Variants in NDUFAF6 observed in about 807,000 individuals in gnomAD.
NDUFAF6 encodes NADH:ubiquinone oxidoreductase complex assembly factor 6.
A neutral mutation model predicts 40.8 loss-of-function variants in NDUFAF6; 45 were observed. The observed-to-expected ratio is 1.10, with a 90% CI of 0.87 to 1.42. The LOEUF (loss-of-function observed/expected upper bound fraction) is 1.42. Ranked by LOEUF, NDUFAF6 falls within the 40% of genes most tolerant of loss-of-function variation. The pLI, the probability that NDUFAF6 is intolerant of heterozygous loss-of-function variation, is 0.00. For missense variants in NDUFAF6, 435 were observed against 418.5 expected, an observed-to-expected ratio of 1.04 and a Z score of -0.34; for synonymous variants, 185 against 155.9, an observed-to-expected ratio of 1.19 and a Z score of -1.39.
At chr8:94,926,397 G>C (rs1260620173) in intron 1 of NDUFAF6, 1 of 128,944 alleles carries the variant, frequency 7.8e-6, no homozygotes, top group South Asian at 2.6e-4. Context: ...AATTTTACTT[G>C]AGAAAAAAAA....
intron 2 of NDUFAF6, among the ~76,000 whole-genome samples, chr8:94,992,039 T>C (rs111351756): frequency 4.3e-4 from 65 of 152,352 alleles, no homozygotes; most frequent in African/African-American, 1.4e-3. Context: ...TTATTACAGT[T>C]GTAATTTGAT....
At position 94,973,786 on chromosome 8, in the gene NDUFAF6, G is replaced by A. The variant is rs116772248; in HGVS notation, c.-198-7073G>A. Among the ~76,000 whole-genome samples the A allele has an allele frequency of 7.9e-3, 1,197 of 150,620 alleles. 12 individuals are homozygous for A. Among genetic ancestry groups the A allele is most frequent in the African/African-American group, 0.028 (1,139 of 40,916 alleles). ...TGCAAACCCAGTGCTTTGGGAGGCC[G>A]AGGTGGAAGGATTACTTGAGGCCCA... On this transcript the variant is annotated intron_variant, in intron 1 of 9. Coordinates refer to the NDUFAF6 transcript ENST00000396111.
At chr8:95,005,915 C>T (rs1021016038) in intron 2 of NDUFAF6, among the ~76,000 whole-genome samples, 9 of 152,002 alleles carry the variant, frequency 5.9e-5, no homozygotes, top group Admixed American at 5.2e-4. Context: ...TTCCAGAAAC[C>T]GGGCAGACGA....
chr8:95,041,534 A>G (rs1235851381), intron 3 of NDUFAF6, 36 bp from the exon 4 acceptor site: 2 of 1,425,072 alleles, frequency 1.4e-6, no homozygotes, highest in African/African-American at 1.5e-5. Flanking sequence ...CATTTCTAGT[A>G]CTTTCTAAAA....
At chr8:94,993,174 G>A (rs981028314) in intron 2 of NDUFAF6, among the ~76,000 whole-genome samples, 4 of 152,098 alleles carry the variant, frequency 2.6e-5, no homozygotes, top group South Asian at 2.1e-4. Flanking sequence ...TACCTGTCAG[G>A]AACCTTATCT....
chr8:95,091,041 T>TCC (rs1809231949), intron 2 of NDUFAF6, among the ~76,000 whole-genome samples: 1 of 13,458 alleles, frequency 7.4e-5, no homozygotes, highest in Non-Finnish European at 1.1e-4. Context: ...CATATATATA[T>TCC]TAATAAACTC....
At chr8:94,903,429 C>A (rs183682938) in intron 1 of NDUFAF6, among the ~76,000 whole-genome samples, 1 of 152,016 alleles carries the variant, frequency 6.6e-6, no homozygotes, top group Non-Finnish European at 1.5e-5. Context: ...GTGTATCAAC[C>A]GGGATAAATC....
chr8:95,036,323 T>G, intron 3 of NDUFAF6: 2 of 1,287,166 alleles, frequency 1.6e-6, no homozygotes, highest in Non-Finnish European at 2.0e-6. Flanking sequence ...AGAGGGTTTC[T>G]GTAACAGGAG....
intron 4 of NDUFAF6, among the ~76,000 whole-genome samples, chr8:95,110,220 A>G (rs894773117): frequency 1.3e-5 from 2 of 152,240 alleles, no homozygotes; most frequent in African/African-American, 4.8e-5. Context: ...TTAATTCTAC[A>G]GCTGTGATCT....
At chr8:94,973,612 GCAGGAGA>G (rs1244412093) in intron 1 of NDUFAF6, among the ~76,000 whole-genome samples, 1 of 151,900 alleles carries the variant, frequency 6.6e-6, no homozygotes, top group Non-Finnish European at 1.5e-5. Context: ...GGAGGCTGAG[GCAGGAGA>G]ATTGCTTGAA....
chr8:94,988,554 A>G (rs1826048475), intron 2 of NDUFAF6: 1 of 152,178 alleles, frequency 6.6e-6, no homozygotes, highest in African/African-American at 2.4e-5. Context: ...TCAAATAACA[A>G]CAGCAAACCA....
intron 2 of NDUFAF6, among the ~76,000 whole-genome samples, chr8:95,081,952 G>A (rs1016247171): frequency 1.3e-5 from 2 of 152,302 alleles, no homozygotes; most frequent in East Asian, 3.9e-4. Context: ...TGTAATCCCA[G>A]CTATGGGAGG....
chr8:94,923,289 A>G (rs1015732828), intron 1 of NDUFAF6, among the ~76,000 whole-genome samples: 1 of 152,236 alleles, frequency 6.6e-6, no homozygotes, highest in Non-Finnish European at 1.5e-5. Context: ...GGTCCAGAGA[A>G]AACTGTCCAA....
chr8:95,099,737 T>G (rs776893604), upstream of NDUFAF6, among the ~76,000 whole-genome samples: 2 of 152,236 alleles, frequency 1.3e-5, no homozygotes, highest in Non-Finnish European at 2.9e-5. Flanking sequence ...CTCCCAGTTA[T>G]GGAGCTTCAG....
chr8:95,058,081 T>C lies in NDUFAF6; in HGVS notation c.*144T>C, dbSNP rs150480416. The C allele has an allele frequency of 2.0e-6, 3 of 1,465,348 alleles. No individual in the cohort carries two copies. The highest frequency in any genetic ancestry group is 1.8e-6 in the Non-Finnish European group (2 of 1,118,454). The allele number at this position is 1,465,348 out of a possible 1,614,324, so 90.8% of individuals were successfully genotyped here. A position where few individuals can be genotyped will look rare whatever the true frequency, so the allele number is the denominator to read the frequency against. ...TCAAGTAGCTCACAAAATTGAGAAG[T>C]TGCCGTGGGACTAGGGTGCCAAGAC... is the stretch of plus-strand genomic sequence containing the variant. On this transcript the variant is annotated 3_prime_UTR_variant, in exon 9 of 9. Transcript: ENST00000396124.
At chr8:94,926,574 A>G (rs1819919661) in intron 1 of NDUFAF6, 1 of 152,210 alleles carries the variant, frequency 6.6e-6, no homozygotes, top group Non-Finnish European at 1.5e-5. Context: ...CAAATACTAA[A>G]ACTTCAGGCA....
chr8:95,102,787 C>G (rs73697743), intron 2 of NDUFAF6, among the ~76,000 whole-genome samples: 4,767 of 152,238 alleles, frequency 0.031, 215 homozygotes, highest in African/African-American at 0.1. Flanking sequence ...AGGAAGCAAA[C>G]TGTATGTCTT....
intron 2 of NDUFAF6, among the ~76,000 whole-genome samples, chr8:94,986,230 T>C (rs1201456304): frequency 6.6e-6 from 1 of 152,152 alleles, no homozygotes; most frequent in Non-Finnish European, 1.5e-5. Context: ...ACAAGTTTTA[T>C]GGAAAAAATA....
At chr8:95,047,508 CTTTTTTTT>C (rs373655223) in intron 6 of NDUFAF6, among the ~76,000 whole-genome samples, 60 of 126,418 alleles carry the variant, frequency 4.7e-4, no homozygotes, top group African/African-American at 1.6e-3. Flanking sequence ...CTTTTCTTTT[CTTTTTTTT>C]TTTTTTTTTT....
Sources: gnomAD v4.1 joint callset for allele counts (sites outside exome capture counted in the v4.1 genomes callset) on GRCh38, gnomAD v4.1.1 for gene constraint, MANE v1.5 for transcripts, NCBI Gene and HGNC (gene_info 2026-07-23, HGNC 2026-07-21) for gene names.